Variants in CALCR observed in about 807,000 individuals in gnomAD.
The protein encoded by CALCR is calcitonin receptor.
In CALCR, 47 loss-of-function variants were observed where a neutral mutation model predicts 59.5. The observed-to-expected ratio is 0.79, with a 90% CI of 0.63 to 1.01. The LOEUF (loss-of-function observed/expected upper bound fraction) is 1.01, where lower values mean the gene tolerates loss of function less well. CALCR is among the 50% of genes least tolerant of loss of function. The pLI is 0.00. For missense variants in CALCR, 566 were observed against 597.1 expected, an observed-to-expected ratio of 0.95 and a Z score of 0.54; for synonymous variants, 213 against 211.3, an observed-to-expected ratio of 1.01 and a Z score of -0.07.
intron 2 of CALCR, among the ~76,000 whole-genome samples, chr7:93,567,881 A>G (rs1789902558): frequency 6.6e-6 from 1 of 152,150 alleles, no homozygotes; most frequent in African/African-American, 2.4e-5. Flanking sequence ...ATCCTGCTCT[A>G]TGCAACTTTT....
chr7:93,432,465 A>C (rs1799678699), intron 13 of CALCR, among the ~76,000 whole-genome samples: 1 of 152,252 alleles, frequency 6.6e-6, no homozygotes, highest in Admixed American at 6.5e-5. Flanking sequence ...TACATCTGGC[A>C]CAGTACACAA....
At chr7:93,542,288 G>A (rs12704679) in intron 2 of CALCR, among the ~76,000 whole-genome samples, 56,499 of 152,022 alleles carry the variant, frequency 0.37, 11,581 homozygotes, top group Non-Finnish European at 0.47. Flanking sequence ...GCATGTTACT[G>A]TAATGGGTAC....
At chr7:93,482,167 G>A (rs890461501) in intron 3 of CALCR, among the ~76,000 whole-genome samples, 2 of 151,734 alleles carry the variant, frequency 1.3e-5, no homozygotes, top group African/African-American at 4.8e-5. Context: ...CCATGTTGAG[G>A]TTTCTTTTTT....
At chr7:93,529,858 G>A (rs1788785458) in intron 2 of CALCR, among the ~76,000 whole-genome samples, 1 of 152,064 alleles carries the variant, frequency 6.6e-6, no homozygotes, top group Non-Finnish European at 1.5e-5. Flanking sequence ...TATATGTGAA[G>A]GCAAAATTTA....
At chr7:93,523,410 A>T (rs931274659) in intron 2 of CALCR, among the ~76,000 whole-genome samples, 4 of 152,180 alleles carry the variant, frequency 2.6e-5, no homozygotes, top group African/African-American at 9.7e-5. Context: ...TAATCACTAC[A>T]TTTGTTATTT....
chr7:93,443,084 A>G (rs955492061), intron 9 of CALCR, among the ~76,000 whole-genome samples: 3 of 152,066 alleles, frequency 2.0e-5, no homozygotes, highest in Admixed American at 6.6e-5. Flanking sequence ...GATGTCACAC[A>G]GGCTCTACTT....
chr7:93,538,870 C>T (rs1165557538), intron 2 of CALCR, among the ~76,000 whole-genome samples: 1 of 152,000 alleles, frequency 6.6e-6, no homozygotes, highest in Non-Finnish European at 1.5e-5. Context: ...GAGTTGAATA[C>T]AACTGAGGAG....
chr7:93,573,097 A>AT (rs1382628190), intron 2 of CALCR, among the ~76,000 whole-genome samples: 1 of 152,216 alleles, frequency 6.6e-6, no homozygotes, highest in Non-Finnish European at 1.5e-5. Context: ...AGTTTCTCTC[A>AT]TAATACTGGT....
At chr7:93,490,518 G>A (rs917011400) in intron 2 of CALCR, among the ~76,000 whole-genome samples, 21 of 151,932 alleles carry the variant, frequency 1.4e-4, no homozygotes, top group African/African-American at 5.1e-4. Flanking sequence ...CATCATCTCA[G>A]CCCCAAAACT....
At chr7:93,533,221 C>A (rs540311096) in intron 2 of CALCR, among the ~76,000 whole-genome samples, 1 of 151,986 alleles carries the variant, frequency 6.6e-6, no homozygotes, top group South Asian at 2.1e-4. Flanking sequence ...AAGAACATGT[C>A]GACAATATTA....
intron 8 of CALCR, among the ~76,000 whole-genome samples, chr7:93,449,774 G>C (rs1298853083): frequency 6.6e-6 from 1 of 152,036 alleles, no homozygotes; most frequent in East Asian, 1.9e-4. Flanking sequence ...GTACATATCT[G>C]CAGCGGTCAG....
chr7:93,560,649 T>C (rs551751467), intron 2 of CALCR, among the ~76,000 whole-genome samples: 21 of 152,114 alleles, frequency 1.4e-4, no homozygotes, highest in Non-Finnish European at 2.4e-4. Context: ...TACTGAAAAG[T>C]TTATTTGCTG....
intron 7 of CALCR, among the ~76,000 whole-genome samples, chr7:93,466,964 A>T (rs907305498): frequency 2.6e-5 from 4 of 151,810 alleles, no homozygotes; most frequent in African/African-American, 9.7e-5. Flanking sequence ...AAGAATTAAG[A>T]TCTATGCCTT....
intron 4 of CALCR, 150 bp downstream of exon 4, chr7:93,479,204 G>C: frequency 1.3e-6 from 1 of 781,720 alleles, no homozygotes; most frequent in Non-Finnish European, 2.0e-6. Context: ...CATATGCACT[G>C]CATGAAATAC....
chr7:93,530,883 G>A (rs1481122124), intron 2 of CALCR, among the ~76,000 whole-genome samples: 3 of 152,056 alleles, frequency 2.0e-5, no homozygotes, highest in Non-Finnish European at 2.9e-5. Flanking sequence ...CAGCAGCACA[G>A]ACATCACTGG....
Position 93,468,826 on chromosome 7 carries a change from A to G in CALCR, c.430-20T>C. 1 of 1,281,520 alleles carries G rather than the reference A, an allele frequency of 7.8e-7. No individual in the cohort carries two copies. The highest frequency in any genetic ancestry group is 1.3e-5 in the South Asian group (1 of 77,044). 79.4% of individuals were successfully genotyped at this position (1,281,520 alleles called of 1,614,324 possible). ...TGCATTCTGGAACAACAAAAAGTAA[A>G]CAAACAAACAATGAATGAATGATTC... On this transcript the variant is annotated intron_variant, in intron 6 of 13. Transcript: ENST00000426151.
At chr7:93,503,800 A>G (rs1157261085) in intron 2 of CALCR, among the ~76,000 whole-genome samples, 1 of 152,120 alleles carries the variant, frequency 6.6e-6, no homozygotes, top group Non-Finnish European at 1.5e-5. Context: ...ATACTTTTTA[A>G]AAAGTTTGAC....
intron 9 of CALCR, among the ~76,000 whole-genome samples, chr7:93,443,401 A>G (rs550049585): frequency 3.3e-5 from 5 of 151,880 alleles, no homozygotes; most frequent in Non-Finnish European, 7.4e-5. Flanking sequence ...CTCTGTGCAG[A>G]CCCTCATGTT....
At chr7:93,436,260 G>C in intron 11 of CALCR, 90 bp from the exon 12 acceptor site, 2 of 1,043,452 alleles carry the variant, frequency 1.9e-6, no homozygotes, top group Non-Finnish European at 2.9e-6. Flanking sequence ...TCCAGTGTGA[G>C]CAACAAATGT....
Sources: allele counts gnomAD v4.1 joint callset (sites outside exome capture counted in the v4.1 genomes callset), GRCh38; gene constraint gnomAD v4.1.1; transcripts MANE v1.5; gene names NCBI Gene and HGNC (gene_info 2026-07-23, HGNC 2026-07-21).